The following KIF3C variants were observed in gnomAD, a reference collection of about 807,000 sequenced individuals.
The protein encoded by KIF3C is kinesin family member 3C.
KIF3C carries 12 observed loss-of-function variants against 67.7 expected under a neutral mutation model. That is an observed-to-expected ratio of 0.18 (90% confidence interval 0.11 to 0.29). The LOEUF (loss-of-function observed/expected upper bound fraction) is 0.29. KIF3C is among the 10% of genes least tolerant of loss of function. The pLI, the probability that KIF3C is intolerant of heterozygous loss-of-function variation, is 1.00. For missense variants in KIF3C, 789 were observed against 1,059.6 expected (o/e 0.74, Z 3.55); for synonymous variants, 393 against 426.2 (o/e 0.92, Z 0.96).
chr2:25,948,102 G>A (rs556078660), intron 5 of KIF3C, among the ~76,000 whole-genome samples: 1 of 152,218 alleles, frequency 6.6e-6, no homozygotes, highest in African/African-American at 2.4e-5. Flanking sequence ...ACTGCCTGCT[G>A]GTTCAAGCTA....
At position 25,929,468 on chromosome 2, in the gene KIF3C, T is replaced by A. The variant is rs2090439917; in HGVS notation, c.2125A>T (p.Ile709Leu). 1.2e-6 allele frequency: 2 copies of A among 1,613,998 alleles called. No homozygotes were observed. The highest frequency in any genetic ancestry group is 8.5e-7 in the Non-Finnish European group (1 of 1,179,924). The change falls in exon 7 of 8, where the codon ATA (isoleucine) becomes TTA (leucine). Residue 709 changes from isoleucine to leucine, a missense_variant. Physicochemically the swap from Ile to Leu is conservative, Grantham distance 5 (BLOSUM62 2). Transcript: ENST00000264712. ...GACACATCCAACTCCAGAAACATTA[T>A]GTTTTCAGCCTGTGGTGGGAATATC... The part of the protein sequence containing the change: ...GSHPRYRAEN[I>L]MFLELDVSPP...
chr2:25,954,319 G>A lies in KIF3C; in HGVS notation c.1837C>T (p.Arg613Trp). 1.2e-6 allele frequency: 2 copies of A among 1,614,078 alleles called. No homozygotes were observed. The highest frequency in any genetic ancestry group is 1.7e-6 in the Non-Finnish European group (2 of 1,179,998). Reference sequence around the variant, plus strand: ...TTCTGCGCCTCCTCCAGGTCCTGCCGCACGCGGATATACTCATCATGCTGG... The same window carrying A: ...TTCTGCGCCTCCTCCAGGTCCTGCCACACGCGGATATACTCATCATGCTGG... Reference protein sequence around the residue: ...QDQHDEYIRVRQDLEEAQNEQ... With the variant: ...QDQHDEYIRVWQDLEEAQNEQ... Residue 613 changes from arginine (R) to tryptophan (W), a missense_variant, in exon 4 of 8, where the codon CGG becomes TGG. Transcript: ENST00000264712.
intron 5 of KIF3C, chr2:25,938,242 C>G (rs987329541): frequency 1.3e-5 from 6 of 451,188 alleles, no homozygotes; most frequent in Admixed American, 1.2e-4. Flanking sequence ...TACCTGTAAC[C>G]CCAGCTACTG....
At chr2:25,963,209 T>A (rs1342627801) in intron 1 of KIF3C, among the ~76,000 whole-genome samples, 2 of 98,070 alleles carry the variant, frequency 2.0e-5, no homozygotes, top group African/African-American at 8.1e-5. Flanking sequence ...TTTTTTTTTT[T>A]TTTTTTTTTT....
chr2:25,960,736 A>T (rs1196387123), intron 1 of KIF3C, among the ~76,000 whole-genome samples: 5 of 152,176 alleles, frequency 3.3e-5, no homozygotes, highest in Non-Finnish European at 5.9e-5. Context: ...CAGGAGTTCA[A>T]GACCAGCCCA....
Position 25,980,738 on chromosome 2 carries a change from G to A in KIF3C, c.1180C>T (p.Leu394=). Reference sequence around the variant, plus strand: ...TTCCCCAGCATCCCCCTCTTCTCCAGCTGGGCCTTCAGGCGGGCAATCTCC... The same window carrying A: ...TTCCCCAGCATCCCCCTCTTCTCCAACTGGGCCTTCAGGCGGGCAATCTCC... ...QEEIARLKAQ[L]EKRGMLGKRP... The change falls in exon 1 of 8, where the codon CTG becomes TTG. Residue 394 remains leucine (L), a synonymous_variant. Transcript: ENST00000264712. This position sits in a 1 kb window ranked among gnomAD's most constrained non-coding sequence, Gnocchi z 7.6. The A allele has an allele frequency of 1.9e-6, 3 of 1,614,102 alleles. No individual in the cohort carries two copies. Among genetic ancestry groups the A allele is most frequent in the Non-Finnish European group, 2.5e-6 (3 of 1,179,978 alleles).
intron 1 of KIF3C, among the ~76,000 whole-genome samples, chr2:25,969,580 C>T (rs912021551): frequency 6.6e-6 from 1 of 152,176 alleles, no homozygotes; most frequent in Non-Finnish European, 1.5e-5. Context: ...AAATTCCCCT[C>T]CATATTAAAA....
At chr2:25,942,445 T>G (rs1185123482) in intron 5 of KIF3C, among the ~76,000 whole-genome samples, 1 of 151,920 alleles carries the variant, frequency 6.6e-6, no homozygotes, top group Non-Finnish European at 1.5e-5. Context: ...AGTTTCACTC[T>G]TGTTGCCCAG....
chr2:25,982,041 G>C lies in KIF3C; in HGVS notation c.-124C>G. On this transcript the variant is annotated 5_prime_UTR_variant, in exon 1 of 8. Transcript: ENST00000264712. ...CCAGGCGCAGCTCTTCAATCCGCAT[G>C]CAGCCTCCTAGGGTGGGGACGCTGG... The C allele has an allele frequency of 1.3e-6, 1 of 748,562 alleles. No homozygotes were observed. The allele number at this position is 748,562 out of a possible 1,614,324, so 46.4% of individuals were successfully genotyped here. A position where few individuals can be genotyped will look rare whatever the true frequency, so the allele number is the denominator to read the frequency against.
chr2:25,976,423 T>C (rs1048990998), intron 1 of KIF3C, among the ~76,000 whole-genome samples: 1 of 152,148 alleles, frequency 6.6e-6, no homozygotes, highest in Non-Finnish European at 1.5e-5. Context: ...TTCCTTTAAG[T>C]AGCTAAAATC....
At chr2:25,946,008 G>A (rs994164235) in intron 5 of KIF3C, among the ~76,000 whole-genome samples, 1 of 151,954 alleles carries the variant, frequency 6.6e-6, no homozygotes, top group African/African-American at 2.4e-5. Flanking sequence ...AGCTACTCAG[G>A]AGGCTGAGGC....
intron 5 of KIF3C, among the ~76,000 whole-genome samples, chr2:25,948,485 G>A (rs1189385716): frequency 6.6e-6 from 1 of 151,824 alleles, no homozygotes; most frequent in Non-Finnish European, 1.5e-5. Flanking sequence ...CCAGGAGCCC[G>A]AAGCTGCAGT....
At position 25,980,498 on chromosome 2, in the gene KIF3C, C is replaced by T. The variant is rs1229041085; in HGVS notation, c.1420G>A (p.Ala474Thr). The T allele has an allele frequency of 6.2e-7, 1 of 1,614,172 alleles. No homozygotes were observed. Among genetic ancestry groups the T allele is most frequent in the Non-Finnish European group, 8.5e-7 (1 of 1,180,034 alleles). ...ACCAGGCTGCGGTCATCCTGGATGG[C>T]TGCCTTCTCCTCCTCCAGCCGCTCC... ...QKERLEEEKA[A>T]IQDDRSLVSE... The change falls in exon 1 of 8, where the codon GCC (alanine) becomes ACC (threonine). Residue 474 changes from alanine to threonine, a missense_variant. Around this residue, in one of 2 missense-constraint regions of KIF3C, gnomAD observed 648 missense variants for 807.8 expected, o/e 0.80. Coordinates refer to ENST00000264712, the MANE Select transcript of KIF3C (RefSeq NM_002254.8). The surrounding 1 kb of genome is among the most constrained non-coding windows in gnomAD (Gnocchi z 7.6).
rs530026407 is a variant in KIF3C at position 25,969,172 on chromosome 2, C to T, written c.1545+11201G>A. Among the ~76,000 whole-genome samples, 4 of 152,252 alleles carry T rather than the reference C, an allele frequency of 2.6e-5. No homozygotes were observed. The South Asian group carries it at 8.3e-4, about 32-fold the overall frequency. On this transcript the variant is annotated intron_variant, in intron 1 of 7. Transcript: ENST00000264712. ...TTACAGCTCCTGGGAGGGAAAGTGA[C>T]TTGTCCAAGGTCACAGGATTACCAA... is the stretch of plus-strand genomic sequence containing the variant.
intron 1 of KIF3C, among the ~76,000 whole-genome samples, chr2:25,968,085 C>T (rs186382577): frequency 7.9e-4 from 121 of 152,230 alleles, no homozygotes; most frequent in African/African-American, 2.9e-3. Context: ...TTCCAGCGCC[C>T]TGATTGTACA....
chr2:25,978,217 C>G (rs562485344), intron 1 of KIF3C, among the ~76,000 whole-genome samples: 119 of 152,154 alleles, frequency 7.8e-4, no homozygotes, highest in Non-Finnish European at 1.4e-3. Flanking sequence ...GCCTATCACC[C>G]AGGGTCACGA....
chr2:25,970,844 G>A (rs565157656), intron 1 of KIF3C, among the ~76,000 whole-genome samples: 46 of 151,608 alleles, frequency 3.0e-4, no homozygotes, highest in African/African-American at 9.2e-4. Flanking sequence ...AGCTCAGCCC[G>A]GCAGGGCATG....
rs547110989 is a variant in KIF3C, at chr2:25,927,714, C to T, written c.*1264G>A. 3 of 152,260 alleles carry T rather than the reference C, an allele frequency of 2.0e-5. No homozygotes were observed. Among genetic ancestry groups the T allele is most frequent in the Admixed American group, 6.6e-5 (1 of 15,258 alleles). The allele number at this position is 152,260 out of a possible 1,614,324, so 9.4% of individuals were successfully genotyped here. Reference sequence around the variant, plus strand: ...AAATCCTAATTCACTCGCTTGCTTTCGTTATGACCTCTTCACCCGTCCTCC... The same window carrying T: ...AAATCCTAATTCACTCGCTTGCTTTTGTTATGACCTCTTCACCCGTCCTCC... On this transcript the variant is annotated 3_prime_UTR_variant, in exon 8 of 8. Transcript: ENST00000264712.
chr2:25,962,482 G>A (rs1401901645), intron 1 of KIF3C, among the ~76,000 whole-genome samples: 1 of 151,458 alleles, frequency 6.6e-6, no homozygotes, highest in Non-Finnish European at 1.5e-5. Context: ...GGGTTCAAAT[G>A]AGTCTCCTGT....
Sources: allele counts gnomAD v4.1 joint callset (sites outside exome capture counted in the v4.1 genomes callset), GRCh38; gene constraint gnomAD v4.1.1; regional missense constraint gnomAD v4.1.1; non-coding constraint Gnocchi (gnomAD v3.1); transcripts MANE v1.5; gene names NCBI Gene and HGNC (gene_info 2026-07-23, HGNC 2026-07-21).